The following CHD1L variants were observed in gnomAD, a reference collection of about 807,000 sequenced individuals.
The protein encoded by CHD1L is ATP-dependent chromatin remodeler CHD1L.
In CHD1L, 118 loss-of-function variants were observed where a neutral mutation model predicts 115.9. The observed-to-expected ratio is 1.02, with a 90% CI of 0.88 to 1.19. The LOEUF (loss-of-function observed/expected upper bound fraction) is 1.19. CHD1L is among the 50% of genes most tolerant of loss of function. CHD1L has a pLI of 0.00. For missense variants in CHD1L, 1,179 were observed against 1,065.3 expected, an observed-to-expected ratio of 1.11 and a Z score of -1.49; for synonymous variants, 411 against 387.1, an observed-to-expected ratio of 1.06 and a Z score of -0.72.
At chr1:147,202,635 G>A in the CHD1L span, among the ~76,000 whole-genome samples, 1 of 152,066 alleles carries the variant, frequency 6.6e-6, no homozygotes, top group Non-Finnish European at 1.5e-5. Flanking sequence ...TAGTCTTAAT[G>A]CCTGAATACT....
At chr1:147,223,558 A>G in the CHD1L span, 2 of 153,838 alleles carry the variant, frequency 1.3e-5, no homozygotes, top group African/African-American at 4.8e-5. Flanking sequence ...CAAGATGCCA[A>G]TAGGAAAGAA....
chr1:147,204,515 G>A, the CHD1L span: 1 of 1,563,140 alleles, frequency 6.4e-7, no homozygotes, highest in Non-Finnish European at 8.8e-7. Context: ...AGAATCTCAT[G>A]AGCTTTTCTG....
At chr1:147,184,719 C>T in the CHD1L span, 1 of 1,326,264 alleles carries the variant, frequency 7.5e-7, no homozygotes. This position sits in a 1 kb window ranked among gnomAD's most constrained non-coding sequence, Gnocchi z 4.4. Flanking sequence ...ATCAGTGTGA[C>T]TTATTACTGT....
chr1:147,259,987 T>G, intron 6 of CHD1L, 69 bp downstream of exon 6: 1 of 1,212,410 alleles, frequency 8.2e-7, no homozygotes, highest in Non-Finnish European at 1.2e-6. Context: ...TATTTTAGAG[T>G]AATTTTAGAT....
intron 5 of CHD1L, among the ~76,000 whole-genome samples, chr1:147,257,285 A>G (rs978412972): frequency 3.9e-5 from 6 of 152,128 alleles, no homozygotes; most frequent in African/African-American, 9.7e-5. Flanking sequence ...TATTTTATCA[A>G]TATTTTAAAT....
At chr1:147,183,122 C>T in the CHD1L span, among the ~76,000 whole-genome samples, 9 of 152,220 alleles carry the variant, frequency 5.9e-5, no homozygotes, top group Middle Eastern at 3.4e-3. Flanking sequence ...GGCGTGAAGC[C>T]GGGAAGCAGA....
At chr1:147,204,852 C>T in the CHD1L span, 1 of 1,602,224 alleles carries the variant, frequency 6.2e-7, no homozygotes, top group Non-Finnish European at 8.6e-7. Flanking sequence ...TATACACAGC[C>T]TCTTCTAATT....
chr1:147,208,718 C>G, the CHD1L span: 14 of 665,884 alleles, frequency 2.1e-5, no homozygotes, highest in Non-Finnish European at 5.2e-6. Context: ...GGATTACAGG[C>G]GTGAGCCACC....
chr1:147,227,864 T>C, the CHD1L span, among the ~76,000 whole-genome samples: 4 of 152,218 alleles, frequency 2.6e-5, no homozygotes, highest in African/African-American at 9.6e-5. Flanking sequence ...TAATTCTTTC[T>C]ATTACGTTTG....
chr1:147,204,943 C>A, the CHD1L span: 12 of 1,527,436 alleles, frequency 7.9e-6, no homozygotes, highest in Admixed American at 2.0e-4. Flanking sequence ...GGCCAGCCTG[C>A]AGGAAGCCGT....
rs587769381 is a variant in CHD1L, at chr1:147,252,198, C to T, written c.128-425C>T. ...TATTCAGTGTAGTCCTAAGTTTTTTCCTTTAGCATTGATGGCATATTTAAA... is the reference window on the plus strand; with the variant it reads ...TATTCAGTGTAGTCCTAAGTTTTTTTCTTTAGCATTGATGGCATATTTAAA... On this transcript the variant is annotated intron_variant, in intron 1 of 22. Coordinates refer to ENST00000369258, the MANE Select transcript of CHD1L (RefSeq NM_004284.6). Among the ~76,000 whole-genome samples the T allele has an allele frequency of 1.4e-4, 22 of 152,292 alleles. 1 individual carries two copies. In the East Asian group the frequency reaches 2.3e-3, roughly 16 times the overall value.
At chr1:147,266,337 A>G (rs1673903523) in intron 8 of CHD1L, among the ~76,000 whole-genome samples, 1 of 152,122 alleles carries the variant, frequency 6.6e-6, no homozygotes. Context: ...AATTAAGCAA[A>G]CACTTCCAGG....
At chr1:147,209,437 C>CAAA in the CHD1L span, among the ~76,000 whole-genome samples, 71,359 of 109,508 alleles carry the variant, frequency 0.65, 24,228 homozygotes, top group Non-Finnish European at 0.69. Flanking sequence ...GACTCCGTCT[C>CAAA]AAAAAAAAAA....
intron 2 of CHD1L, among the ~76,000 whole-genome samples, chr1:147,254,550 A>G (rs1012266009): frequency 6.6e-6 from 1 of 152,160 alleles, no homozygotes; most frequent in African/African-American, 2.4e-5. Flanking sequence ...CTTGGCCATC[A>G]GTTGGATTTT....
At chr1:147,239,189 A>ACC (rs369585748), upstream of CHD1L, among the ~76,000 whole-genome samples, 2 of 151,034 alleles carry the variant, frequency 1.3e-5, no homozygotes, top group African/African-American at 4.9e-5. Flanking sequence ...TTTTAACTAG[A>ACC]CCCCCCCTCC....
chr1:147,218,935 C>G, the CHD1L span, among the ~76,000 whole-genome samples: 1 of 152,176 alleles, frequency 6.6e-6, no homozygotes, highest in African/African-American at 2.4e-5. Context: ...TCCCAAAACT[C>G]TCTGTTCATA....
At chr1:147,237,434 G>C in the CHD1L span, among the ~76,000 whole-genome samples, 1 of 152,006 alleles carries the variant, frequency 6.6e-6, no homozygotes, top group African/African-American at 2.4e-5. Context: ...GCCTGAGAGG[G>C]TAGGGCTCCT....
At chr1:147,175,569 C>CA in the CHD1L span, 8 of 152,146 alleles carry the variant, frequency 5.3e-5, no homozygotes, top group African/African-American at 1.9e-4. Flanking sequence ...TTCATTCACA[C>CA]ACACTCACTG....
intron 12 of CHD1L, chr1:147,272,550 G>C: frequency 3.8e-6 from 1 of 262,160 alleles, no homozygotes; most frequent in Non-Finnish European, 7.1e-6. Context: ...TGTCCTGAAA[G>C]ATTTATGTGA....
Sources: gnomAD v4.1 joint callset for allele counts (sites outside exome capture counted in the v4.1 genomes callset) on GRCh38, gnomAD v4.1.1 for gene constraint, Gnocchi (gnomAD v3.1) non-coding constraint, MANE v1.5 for transcripts, NCBI Gene and HGNC (gene_info 2026-07-23, HGNC 2026-07-21) for gene names.